Variants in PPM1L observed in about 807,000 individuals in gnomAD.
PPM1L encodes the protein protein phosphatase 1L.
PPM1L carries 13 observed loss-of-function variants against 31.4 expected under a neutral mutation model. That is an observed-to-expected ratio of 0.41 (90% CI 0.27 to 0.66). PPM1L has a LOEUF of 0.66. PPM1L is among the 30% of genes least tolerant of loss of function. The pLI is 0.29. For missense variants in PPM1L, 326 were observed against 453.7 expected, an observed-to-expected ratio of 0.72 and a Z score of 2.56; for synonymous variants, 184 against 175.4, an observed-to-expected ratio of 1.05 and a Z score of -0.39.
chr3:161,023,841 G>C (rs1718303531), intron 2 of PPM1L, among the ~76,000 whole-genome samples: 1 of 152,002 alleles, frequency 6.6e-6, no homozygotes, highest in South Asian at 2.1e-4. Context: ...CTTGTGTAGG[G>C]CCATAAAGTC....
rs986150297 is a variant in PPM1L at position 160,835,255 on chromosome 3, C to G, written c.399+78548C>G. Reference sequence around the variant, plus strand: ...GTTTGTTTTAGACATGGATTTGCCTCCTGCTCTGAAAACGCATTGTATAGT... The same window carrying G: ...GTTTGTTTTAGACATGGATTTGCCTGCTGCTCTGAAAACGCATTGTATAGT... On this transcript the variant is annotated intron_variant, in intron 1 of 3. Transcript: ENST00000498165. Among the ~76,000 whole-genome samples, 11 of 147,516 alleles carry G rather than the reference C, an allele frequency of 7.5e-5. No individual in the cohort carries two copies. The East Asian group carries it at 2.0e-3, about 27-fold the overall frequency.
In PPM1L at chr3:160,996,774, C is replaced by T. The variant is rs1351453721; in HGVS notation, c.574+34864C>T. On this transcript the variant is annotated intron_variant, in intron 2 of 3. Coordinates refer to ENST00000498165, the MANE Select transcript of PPM1L (RefSeq NM_139245.4). ...CCAAACACCACCTGTTCCCCAAAAA[C>T]CTATTGAAATCATAAAAAATATTTT... 6.6e-5 allele frequency among the ~76,000 whole-genome samples: 10 copies of T among 152,106 alleles called. No individual in the cohort carries two copies. In the South Asian group the frequency reaches 2.1e-3, roughly 32 times the overall value.
intron 2 of PPM1L, among the ~76,000 whole-genome samples, chr3:161,043,422 G>C (rs1190592374): frequency 6.6e-6 from 1 of 152,050 alleles, no homozygotes; most frequent in African/African-American, 2.4e-5. Context: ...CACATACTGC[G>C]GGCCTCAAGT....
intron 2 of PPM1L, among the ~76,000 whole-genome samples, chr3:160,963,041 T>G (rs2108109239): frequency 6.6e-6 from 1 of 152,094 alleles, no homozygotes; most frequent in Non-Finnish European, 1.5e-5. Flanking sequence ...TTCAATATTC[T>G]TCTCATTGGA....
At chr3:161,047,726 T>C (rs1163031113) in intron 2 of PPM1L, among the ~76,000 whole-genome samples, 1 of 151,698 alleles carries the variant, frequency 6.6e-6, no homozygotes, top group Non-Finnish European at 1.5e-5. Flanking sequence ...CTGGTATTGA[T>C]ACCAAAACAG....
intron 1 of PPM1L, among the ~76,000 whole-genome samples, chr3:160,868,512 C>T (rs76536189): frequency 0.012 from 1,768 of 152,338 alleles, 42 homozygotes; most frequent in African/African-American, 0.04. Context: ...TCCCTTTTCT[C>T]TGGGCCACCA....
At chr3:160,868,547 C>T (rs1377507228) in intron 1 of PPM1L, among the ~76,000 whole-genome samples, 2 of 152,202 alleles carry the variant, frequency 1.3e-5, no homozygotes, top group Non-Finnish European at 2.9e-5. Context: ...TTCACTGGCC[C>T]ATCTTCTTTG....
intron 2 of PPM1L, among the ~76,000 whole-genome samples, chr3:161,015,098 G>A (rs1718040679): frequency 6.6e-6 from 1 of 151,884 alleles, no homozygotes; most frequent in Non-Finnish European, 1.5e-5. Context: ...GGGGTGAATG[G>A]GAGAAATTTG....
chr3:160,870,775 G>T (rs193217931), intron 1 of PPM1L: 24 of 152,278 alleles, frequency 1.6e-4, no homozygotes, highest in African/African-American at 5.8e-4. Flanking sequence ...TATGAAAACA[G>T]AATAATTAAT....
chr3:161,002,080 A>G (rs1272460434), intron 2 of PPM1L, among the ~76,000 whole-genome samples: 1 of 150,092 alleles, frequency 6.7e-6, no homozygotes, highest in African/African-American at 2.5e-5. Flanking sequence ...GAGTGAGAAT[A>G]TGCGGTGTTT....
At chr3:160,867,923 T>C (rs1008539800) in intron 1 of PPM1L, among the ~76,000 whole-genome samples, 1 of 152,182 alleles carries the variant, frequency 6.6e-6, no homozygotes, top group Non-Finnish European at 1.5e-5. Context: ...TCAGGCTAAA[T>C]AACCTAAACC....
At chr3:160,889,715 G>T (rs960335664) in intron 1 of PPM1L, among the ~76,000 whole-genome samples, 2 of 152,014 alleles carry the variant, frequency 1.3e-5, no homozygotes, top group Non-Finnish European at 2.9e-5. Flanking sequence ...AAAACTTCAG[G>T]CTAGTGTCTC....
At chr3:160,910,266 T>TTCCCCTTCCCCTTTCCCCTTCCCCC (rs1713921124) in intron 1 of PPM1L, among the ~76,000 whole-genome samples, 1 of 98,362 alleles carries the variant, frequency 1.0e-5, no homozygotes, top group African/African-American at 4.0e-5. Flanking sequence ...CCCTTTCCCC[T>TTCCCCTTCCCCTTTCCCCTTCCCCC]TCCCCTTCCC....
rs192301239 is a variant in PPM1L at position 160,916,826 on chromosome 3, T to C, written c.400-44910T>C. On this transcript the variant is annotated intron_variant, in intron 1 of 3. Coordinates refer to ENST00000498165, the MANE Select transcript of PPM1L (RefSeq NM_139245.4). ...TGCATGATTAAGTCCATGGAGCTTA[T>C]TGGTGGAGTCAGGCCCTCCAAATAG... Among the ~76,000 whole-genome samples, 164 of 152,318 alleles carry C rather than the reference T, an allele frequency of 1.1e-3. 1 individual carries two copies. The highest frequency in any genetic ancestry group is 3.7e-3 in the African/African-American group (154 of 41,592).
chr3:160,782,394 T>C (rs979013617), intron 1 of PPM1L, among the ~76,000 whole-genome samples: 3 of 152,220 alleles, frequency 2.0e-5, no homozygotes, highest in Non-Finnish European at 4.4e-5. Context: ...TCACAATCAC[T>C]TGTGAAAGTT....
intron 1 of PPM1L, among the ~76,000 whole-genome samples, chr3:160,934,511 AT>A (rs1714894360): frequency 6.6e-6 from 1 of 152,208 alleles, no homozygotes; most frequent in African/African-American, 2.4e-5. Context: ...AAGGAAAAAA[AT>A]GTCTCATGTA....
chr3:160,948,933 G>A (rs146550520), intron 1 of PPM1L, among the ~76,000 whole-genome samples: 350 of 152,064 alleles, frequency 2.3e-3, no homozygotes, highest in African/African-American at 8.0e-3. Flanking sequence ...ATCTCTAGGG[G>A]GTAGAATCTG....
chr3:160,979,442 A>G (rs1168899978), intron 2 of PPM1L, among the ~76,000 whole-genome samples: 1 of 152,098 alleles, frequency 6.6e-6, no homozygotes, highest in African/African-American at 2.4e-5. Flanking sequence ...GGAAGAAACC[A>G]GAGTACCTTG....
At chr3:160,919,771 A>G (rs1408468136) in intron 1 of PPM1L, among the ~76,000 whole-genome samples, 2 of 152,198 alleles carry the variant, frequency 1.3e-5, no homozygotes, top group African/African-American at 4.8e-5. Context: ...AATGTCATAT[A>G]CCTGCTTATT....
Sources: allele counts gnomAD v4.1 joint callset (sites outside exome capture counted in the v4.1 genomes callset), GRCh38; gene constraint gnomAD v4.1.1; transcripts MANE v1.5; gene names NCBI Gene and HGNC (gene_info 2026-07-23, HGNC 2026-07-21).